IGF1R: variants seen among roughly 807,000 people sequenced by gnomAD.
IGF1R encodes insulin-like growth factor 1 receptor.
IGF1R carries 44 observed loss-of-function variants against 144.6 expected under a neutral mutation model. That is an observed-to-expected ratio of 0.30 (90% CI 0.24 to 0.39). The LOEUF is 0.39. IGF1R is among the 10% of genes least tolerant of loss of function. IGF1R has a pLI of 1.00. For missense variants in IGF1R, 1,355 were observed against 1,833.7 expected, an observed-to-expected ratio of 0.74 and a Z score of 4.77; for synonymous variants, 795 against 722.8, an observed-to-expected ratio of 1.10 and a Z score of -1.60.
At chr15:98,743,259 G>A (rs79246493) in intron 2 of IGF1R, among the ~76,000 whole-genome samples, 1 of 151,808 alleles carries the variant, frequency 6.6e-6, no homozygotes, top group Non-Finnish European at 1.5e-5. Context: ...ACAATAAACT[G>A]TGTTTCCATG....
chr15:98,663,992 A>G (rs556065116), intron 1 of IGF1R, among the ~76,000 whole-genome samples: 3 of 151,988 alleles, frequency 2.0e-5, no homozygotes, highest in Non-Finnish European at 4.4e-5. Context: ...GATTAGTGCC[A>G]CTCTCTGGGT....
intron 2 of IGF1R, among the ~76,000 whole-genome samples, chr15:98,887,675 C>T (rs1011214716): frequency 1.3e-5 from 2 of 152,198 alleles, no homozygotes; most frequent in African/African-American, 4.8e-5. Context: ...TGCTGGCACA[C>T]GCCTGACGAG....
Position 98,962,933 on chromosome 15 carries a change from A to G in IGF1R, c.*5491A>G, listed in dbSNP as rs1287586478. Reference sequence around the variant, plus strand: ...AGCGTTTTGTTTCTGCGAGAACATAACGATCACTCATTTTTATGTCCCACG... The same window carrying G: ...AGCGTTTTGTTTCTGCGAGAACATAGCGATCACTCATTTTTATGTCCCACG... On this transcript the variant is annotated 3_prime_UTR_variant, in exon 21 of 21. Coordinates refer to ENST00000650285, the MANE Select transcript of IGF1R (RefSeq NM_000875.5). 2.1e-5 allele frequency: 5 copies of G among 233,596 alleles called. No homozygotes were observed. Among genetic ancestry groups the G allele is most frequent in the Non-Finnish European group, 4.2e-5 (5 of 118,054 alleles). The allele number at this position is 233,596 out of a possible 1,614,324, so 14.5% of individuals were successfully genotyped here. A position where few individuals can be genotyped will look rare whatever the true frequency, so the allele number is the denominator to read the frequency against.
chr15:98,858,830 C>T (rs562215122), intron 2 of IGF1R, among the ~76,000 whole-genome samples: 34 of 152,200 alleles, frequency 2.2e-4, no homozygotes, highest in African/African-American at 5.6e-4. Flanking sequence ...GCCAAACTTC[C>T]TCTTTCCAAA....
intron 2 of IGF1R, among the ~76,000 whole-genome samples, chr15:98,776,924 A>C (rs1324008967): frequency 1.3e-5 from 2 of 152,212 alleles, no homozygotes; most frequent in Non-Finnish European, 2.9e-5. Flanking sequence ...AGCTGGACAC[A>C]GGTGCTTAGG....
At chr15:98,915,880 T>C (rs2015221073) in intron 8 of IGF1R, 84 bp from the exon 9 acceptor site, 2 of 1,275,758 alleles carry the variant, frequency 1.6e-6, no homozygotes, top group African/African-American at 1.5e-5. Context: ...AACTGGCAGT[T>C]TCCTGTTGGC....
Position 98,963,813 on chromosome 15 carries a change from A to C in IGF1R, c.*6371A>C, listed in dbSNP as rs1286086090. 1 of 232,978 alleles carries C rather than the reference A, an allele frequency of 4.3e-6. No individual in the cohort carries two copies. The highest frequency in any genetic ancestry group is 2.2e-5 in the African/African-American group (1 of 45,356). 14.4% of individuals were successfully genotyped at this position (232,978 alleles called of 1,614,324 possible). On this transcript the variant is annotated 3_prime_UTR_variant, in exon 21 of 21. Transcript: ENST00000650285. ...ATACAGAAAAGAATTTTTAATAAAA[A>C]CTATAACATACACAAAAATTGGTTT...
At chr15:98,658,317 A>G (rs2052530735) in intron 1 of IGF1R, among the ~76,000 whole-genome samples, 1 of 152,312 alleles carries the variant, frequency 6.6e-6, no homozygotes, top group South Asian at 2.1e-4. Flanking sequence ...GAAGGTCACC[A>G]TAGCTTTAGT....
At chr15:98,723,325 A>G (rs112231700) in intron 2 of IGF1R, among the ~76,000 whole-genome samples, 1 of 152,310 alleles carries the variant, frequency 6.6e-6, no homozygotes, top group East Asian at 1.9e-4. Context: ...TCTGTCCTCC[A>G]GTCAAAGAAA....
At chr15:98,813,583 C>T (rs1231516317) in intron 2 of IGF1R, among the ~76,000 whole-genome samples, 3 of 152,238 alleles carry the variant, frequency 2.0e-5, no homozygotes, top group Non-Finnish European at 4.4e-5. Flanking sequence ...GGTGCACTAC[C>T]TCTTCTTGGG....
chr15:98,754,867 A>T (rs1252607703), intron 2 of IGF1R, among the ~76,000 whole-genome samples: 1 of 152,124 alleles, frequency 6.6e-6, no homozygotes. Context: ...CAGGATTCAC[A>T]CCTAGGTTGA....
chr15:98,857,108 G>A (rs1310930535), intron 2 of IGF1R, among the ~76,000 whole-genome samples: 1 of 152,152 alleles, frequency 6.6e-6, no homozygotes, highest in Non-Finnish European at 1.5e-5. Flanking sequence ...TTGTGCCTTG[G>A]AAGTTGCTTA....
At chr15:98,659,018 A>C (rs1472158941) in intron 1 of IGF1R, among the ~76,000 whole-genome samples, 2 of 152,216 alleles carry the variant, frequency 1.3e-5, no homozygotes, top group African/African-American at 2.4e-5. Context: ...ACCTGGTATT[A>C]AGCCCTTGGA....
At chr15:98,879,464 T>C (rs2013257335) in intron 2 of IGF1R, among the ~76,000 whole-genome samples, 1 of 152,176 alleles carries the variant, frequency 6.6e-6, no homozygotes, top group Admixed American at 6.5e-5. Flanking sequence ...ACTGTTTTAT[T>C]CTCCATCATT....
At chr15:98,875,330 C>CT (rs776752081) in intron 2 of IGF1R, among the ~76,000 whole-genome samples, 2 of 142,252 alleles carry the variant, frequency 1.4e-5, no homozygotes, top group Non-Finnish European at 3.1e-5. Flanking sequence ...TAGTTTCTTT[C>CT]TTTCTTTTCT....
In IGF1R at chr15:98,751,475, C is replaced by T. The variant is rs547487971; in HGVS notation, c.640+43368C>T. On this transcript the variant is annotated intron_variant, in intron 2 of 20. Transcript: ENST00000650285. ...TCCTCTCCCCTCAACTCTCAAAAGG[C>T]TGTAACCCTGATTTTAATGGTAGTG... 3.3e-5 allele frequency among the ~76,000 whole-genome samples: 5 copies of T among 152,254 alleles called. No homozygotes were observed. The East Asian group carries it at 9.6e-4, about 29-fold the overall frequency.
chr15:98,725,354 A>G (rs1402303862), intron 2 of IGF1R, among the ~76,000 whole-genome samples: 1 of 152,250 alleles, frequency 6.6e-6, no homozygotes, highest in African/African-American at 2.4e-5. Context: ...TCTAAATCCT[A>G]GCATTTCATC....
In IGF1R at chr15:98,746,161, A is replaced by G. The variant is rs79734295; in HGVS notation, c.640+38054A>G. ...AGGGTAAATAAGACTGCATGTTTGC[A>G]TCTGCTTGTATTTGTGCAGACTGAC... On this transcript the variant is annotated intron_variant, in intron 2 of 20. Transcript: ENST00000650285. Among the ~76,000 whole-genome samples, 931 of 152,296 alleles carry G rather than the reference A, an allele frequency of 6.1e-3. 4 individuals carry two copies. Among genetic ancestry groups the G allele is most frequent in the South Asian group, 0.024 (116 of 4,830 alleles).
intron 2 of IGF1R, among the ~76,000 whole-genome samples, chr15:98,795,134 G>T (rs558771618): frequency 1.1e-3 from 16 of 14,834 alleles, no homozygotes; most frequent in Admixed American, 8.4e-3. Flanking sequence ...AACTAAGTGG[G>T]AAAATATTGA....
Sources: allele counts gnomAD v4.1 joint callset (sites outside exome capture counted in the v4.1 genomes callset), GRCh38; gene constraint gnomAD v4.1.1; transcripts MANE v1.5; gene names NCBI Gene and HGNC (gene_info 2026-07-23, HGNC 2026-07-21).